Variants in CFAP57 observed in about 807,000 individuals in gnomAD.
The protein encoded by CFAP57 is cilia and flagella associated protein 57, also known as cilia- and flagella-associated protein 57.
Under a neutral mutation model 146.8 loss-of-function variants are expected in CFAP57, and 116 were observed. The observed-to-expected ratio is 0.79, with a 90% CI of 0.68 to 0.92. The LOEUF (loss-of-function observed/expected upper bound fraction) is 0.92. Among genes scored for constraint, CFAP57 ranks in the 40% least tolerant of loss-of-function variants. CFAP57 has a pLI of 0.00. For missense variants in CFAP57, 1,377 were observed against 1,527.2 expected, an observed-to-expected ratio of 0.90 and a Z score of 1.64; for synonymous variants, 518 against 552.8, an observed-to-expected ratio of 0.94 and a Z score of 0.88.
At position 43,210,233 on chromosome 1, in the gene CFAP57, GCCT is replaced by G. The variant is rs142405882; in HGVS notation, c.1929+326_1929+328del. On this transcript the variant is annotated intron_variant, in intron 11 of 22. Coordinates refer to ENST00000372492, the MANE Select transcript of CFAP57 (RefSeq NM_001378189.1). ...GTGTGGGCTGCACTTGACCACAGCT[GCCT>G]CCTCCTCCAGAGAATGCCCCAGACT... is the stretch of plus-strand genomic sequence containing the variant. The G allele has an allele frequency of 3.3e-3, 4,977 of 1,495,724 alleles. 142 individuals carry two copies. The African/African-American group carries it at 0.061, about 18-fold the overall frequency. 92.7% of individuals were successfully genotyped at this position (1,495,724 alleles called of 1,614,324 possible).
intron 18 of CFAP57, among the ~76,000 whole-genome samples, chr1:43,231,425 T>C (rs1645461624): frequency 1.3e-5 from 2 of 152,140 alleles, no homozygotes; most frequent in Admixed American, 6.5e-5. Context: ...AATACTAGTG[T>C]CCACCAGATA....
intron 22 of CFAP57, among the ~76,000 whole-genome samples, chr1:43,248,216 C>G (rs1296434480): frequency 6.7e-6 from 1 of 150,052 alleles, no homozygotes; most frequent in Non-Finnish European, 1.5e-5. Context: ...CTCATACAAA[C>G]TTACTATCTT....
intron 13 of CFAP57, 147 bp from the exon 14 acceptor site, chr1:43,221,225 T>C: frequency 6.2e-6 from 3 of 486,800 alleles, no homozygotes; most frequent in Non-Finnish European, 1.1e-5. Context: ...ACAATGTGGT[T>C]GCTGCTTCAT....
chr1:43,188,728 T>G (rs1219904011), intron 6 of CFAP57, among the ~76,000 whole-genome samples: 3 of 146,366 alleles, frequency 2.0e-5, no homozygotes, highest in African/African-American at 8.0e-5. Context: ...TCTTTTCACT[T>G]TTTTGATGTT....
Position 43,209,811 on chromosome 1 carries a change from G to A in CFAP57, c.1824G>A (p.Met608Ile), listed in dbSNP as rs1644519172. The stretch of plus-strand genomic sequence containing the variant: ...TTGTCATCTCGCATTCTGGACGCAT[G>A]ATGTTTGTGGGCACCTCGGTGGGAA... ...TAIVISHSGR[M>I]MFVGTSVGTI... Residue 608 changes from methionine to isoleucine, a missense_variant, in exon 11 of 23, where the codon ATG (methionine) becomes ATA (isoleucine). By Grantham distance (10) the Met-to-Ile change is conservative. Transcript: ENST00000372492. 1 of 1,614,162 alleles carries A rather than the reference G, an allele frequency of 6.2e-7. No homozygotes were observed. The highest frequency in any genetic ancestry group is 2.2e-5 in the East Asian group (1 of 44,870).
In CFAP57 at chr1:43,206,628, C is replaced by G. The variant is rs868576590; in HGVS notation, c.1543-92C>G. 1.1e-5 allele frequency: 14 copies of G among 1,293,936 alleles called. 1 individual carries two copies. In the Middle Eastern group the frequency reaches 2.6e-3, roughly 238 times the overall value. The allele number at this position is 1,293,936 out of a possible 1,614,324, so 80.2% of individuals were successfully genotyped here. On this transcript the variant is annotated intron_variant, in intron 9 of 22. Coordinates refer to ENST00000372492, the MANE Select transcript of CFAP57 (RefSeq NM_001378189.1). ...AGCAGGAAAGGACGTTCTGCTCAGT[C>G]TAGTGGAGCACCTAAGGAGTTTGCA...
chr1:43,245,103 G>A (rs1200846526), intron 22 of CFAP57, among the ~76,000 whole-genome samples: 1 of 151,974 alleles, frequency 6.6e-6, no homozygotes, highest in Non-Finnish European at 1.5e-5. Context: ...TGTGCCCAGG[G>A]TTCAAGACTA....
chr1:43,240,730 G>A (rs909929589), intron 21 of CFAP57, among the ~76,000 whole-genome samples: 2 of 152,168 alleles, frequency 1.3e-5, no homozygotes, highest in Admixed American at 6.5e-5. Flanking sequence ...AGTTCTGAGG[G>A]CTGTACAGGA....
intron 2 of CFAP57, among the ~76,000 whole-genome samples, chr1:43,180,178 C>CAATAAAATATTG (rs1159797170): frequency 2.0e-5 from 3 of 148,276 alleles, no homozygotes; most frequent in African/African-American, 7.6e-5. Context: ...TGCACTCCAG[C>CAATAAAATATTG]CTGGGCGACA....
intron 22 of CFAP57, among the ~76,000 whole-genome samples, chr1:43,246,933 C>A (rs957980312): frequency 6.6e-6 from 1 of 152,156 alleles, no homozygotes; most frequent in Admixed American, 6.5e-5. Context: ...AATATAATTT[C>A]CTTAAGGACA....
At chr1:43,252,509 T>C (rs566808508) in intron 22 of CFAP57, among the ~76,000 whole-genome samples, 7 of 151,918 alleles carry the variant, frequency 4.6e-5, no homozygotes, top group African/African-American at 1.5e-4. Context: ...AGGAGTACCT[T>C]TTAAATATAG....
intron 6 of CFAP57, among the ~76,000 whole-genome samples, chr1:43,190,585 C>T (rs371367659): frequency 2.0e-5 from 3 of 151,918 alleles, no homozygotes; most frequent in South Asian, 2.1e-4. Context: ...CAGTCTTTAA[C>T]GATTAAGTTT....
chr1:43,197,248 T>A (rs368149457), intron 6 of CFAP57, among the ~76,000 whole-genome samples: 1 of 151,946 alleles, frequency 6.6e-6, no homozygotes, highest in African/African-American at 2.4e-5. Flanking sequence ...TCCCAGCTAC[T>A]CGGGAGGCTG....
Position 43,238,587 on chromosome 1 carries a change from C to T in CFAP57, c.3405+3949C>T, listed in dbSNP as rs1342616374. Among the ~76,000 whole-genome samples the T allele has an allele frequency of 6.6e-6, 1 of 152,124 alleles. No individual in the cohort carries two copies. The highest frequency in any genetic ancestry group is 1.5e-5 in the Non-Finnish European group (1 of 68,028). On this transcript the variant is annotated intron_variant, in intron 21 of 22. Transcript: ENST00000372492. The surrounding 1 kb of genome is among the most constrained non-coding windows in gnomAD (Gnocchi z 4.3). ...GAAGGCTCGGCAAACCCATTGCATT[C>T]ACATTTTTAATCCACAAAGCCATCC...
intron 17 of CFAP57, among the ~76,000 whole-genome samples, chr1:43,226,415 T>G (rs1570238293): frequency 6.6e-6 from 1 of 152,086 alleles, no homozygotes; most frequent in Admixed American, 6.5e-5. Flanking sequence ...CTCAGCTGGG[T>G]CTTTTGATCA....
intron 21 of CFAP57, 83 bp from the exon 22 acceptor site, chr1:43,243,144 T>C: frequency 6.8e-7 from 1 of 1,464,060 alleles, no homozygotes; most frequent in Non-Finnish European, 9.1e-7. Flanking sequence ...CCATTCCCCA[T>C]ACACTCAGCC....
At chr1:43,230,812 T>C (rs1645437057) in intron 18 of CFAP57, among the ~76,000 whole-genome samples, 2 of 152,242 alleles carry the variant, frequency 1.3e-5, no homozygotes, top group African/African-American at 4.8e-5. Flanking sequence ...TCCACCTGAA[T>C]TTCTGATTTA....
At chr1:43,186,950 A>G in intron 6 of CFAP57, 91 bp downstream of exon 6, 1 of 1,506,356 alleles carries the variant, frequency 6.6e-7, no homozygotes, top group Non-Finnish European at 9.1e-7. Context: ...AATCCAAATA[A>G]GTTAGCATAA....
At chr1:43,230,980 A>T (rs760741272) in intron 18 of CFAP57, among the ~76,000 whole-genome samples, 2 of 152,140 alleles carry the variant, frequency 1.3e-5, no homozygotes, top group Non-Finnish European at 2.9e-5. Context: ...ATCCCCTACA[A>T]GGTGGTTCTA....
Sources: allele counts gnomAD v4.1 joint callset (sites outside exome capture counted in the v4.1 genomes callset), GRCh38; gene constraint gnomAD v4.1.1; non-coding constraint Gnocchi (gnomAD v3.1); transcripts MANE v1.5; gene names NCBI Gene and HGNC (gene_info 2026-07-23, HGNC 2026-07-21).